GALNTL6: variants seen among roughly 807,000 people sequenced by gnomAD.
GALNTL6 encodes polypeptide N-acetylgalactosaminyltransferase-like 6.
Under a neutral mutation model 73.7 loss-of-function variants are expected in GALNTL6, and 46 were observed. The ratio of observed to expected loss-of-function variants is 0.62; its 90% CI spans 0.49 to 0.80. GALNTL6 has a LOEUF of 0.80. Among genes scored for constraint, GALNTL6 ranks in the 30% least tolerant of loss-of-function variants. GALNTL6 has a pLI of 0.00. For synonymous variants in GALNTL6, 259 were observed against 263.7 expected (o/e 0.98, Z 0.17); for missense variants, 604 against 755.0 (o/e 0.80, Z 2.34).
At chr4:172,564,060 A>T in intron 5 of GALNTL6, among the ~76,000 whole-genome samples, 1 of 152,094 alleles carries the variant, frequency 6.6e-6, no homozygotes, top group Non-Finnish European at 1.5e-5. Context: ...ACTCTGTCTC[A>T]TTTAGTTTTA....
chr4:172,654,533 T>C (rs1196029472), intron 5 of GALNTL6, among the ~76,000 whole-genome samples: 5 of 152,214 alleles, frequency 3.3e-5, no homozygotes, highest in African/African-American at 1.2e-4. Context: ...AAATATTGAA[T>C]TACATGATAA....
At chr4:172,177,791 A>ATATATATACACACACATATATGTGTATG (rs1735075885) in intron 2 of GALNTL6, among the ~76,000 whole-genome samples, 5 of 101,736 alleles carry the variant, frequency 4.9e-5, no homozygotes, top group Non-Finnish European at 6.3e-5. Flanking sequence ...ACACATGTGT[A>ATATATATACACACACATATATGTGTATG]TATATATACA....
chr4:172,241,505 T>C (rs2110993473), intron 3 of GALNTL6, among the ~76,000 whole-genome samples: 1 of 152,312 alleles, frequency 6.6e-6, no homozygotes, highest in East Asian at 1.9e-4. Context: ...TTATTCACAT[T>C]TGTTAATGTT....
chr4:172,683,462 T>C (rs1039871531), intron 5 of GALNTL6, among the ~76,000 whole-genome samples: 3 of 152,220 alleles, frequency 2.0e-5, no homozygotes, highest in African/African-American at 7.2e-5. Flanking sequence ...TGTGCCACAG[T>C]GGTTACAATA....
In GALNTL6 at chr4:172,515,415, G is replaced by C. The variant is rs139165732; in HGVS notation, c.553+166726G>C. Reference sequence around the variant, plus strand: ...CCTCTCCCTTGGGCTTGTGTGTGATGACAGTGGATGGTCTGTGGTCTTGAG... The same window carrying C: ...CCTCTCCCTTGGGCTTGTGTGTGATCACAGTGGATGGTCTGTGGTCTTGAG... On this transcript the variant is annotated intron_variant, in intron 5 of 12. Transcript: ENST00000506823. Among the ~76,000 whole-genome samples, 459 of 152,318 alleles carry C rather than the reference G, an allele frequency of 3.0e-3. 2 individuals are homozygous for C. Among genetic ancestry groups the C allele is most frequent in the African/African-American group, 0.01 (425 of 41,574 alleles).
At chr4:172,923,301 G>A (rs1747886037) in intron 8 of GALNTL6, among the ~76,000 whole-genome samples, 1 of 151,708 alleles carries the variant, frequency 6.6e-6, no homozygotes, top group Non-Finnish European at 1.5e-5. Context: ...GCAGGGAAGA[G>A]AGAACTTGTG....
chr4:172,063,673 A>C (rs1333796679), intron 2 of GALNTL6, among the ~76,000 whole-genome samples: 2 of 152,182 alleles, frequency 1.3e-5, no homozygotes, highest in Non-Finnish European at 2.9e-5. Context: ...TGAGTGCTAC[A>C]GACAATCCAT....
intron 2 of GALNTL6, among the ~76,000 whole-genome samples, chr4:171,943,543 G>A (rs1223136197): frequency 1.3e-5 from 2 of 152,104 alleles, no homozygotes; most frequent in African/African-American, 4.8e-5. Flanking sequence ...TACTTAAAGT[G>A]TGTGATCTAC....
chr4:172,242,858 A>G (rs1737495861), intron 3 of GALNTL6, among the ~76,000 whole-genome samples: 1 of 152,230 alleles, frequency 6.6e-6, no homozygotes, highest in Non-Finnish European at 1.5e-5. Flanking sequence ...ATTCTGATGC[A>G]AACCACCAAT....
chr4:173,019,868 G>A (rs970382980), intron 11 of GALNTL6, among the ~76,000 whole-genome samples: 3 of 152,136 alleles, frequency 2.0e-5, no homozygotes, highest in African/African-American at 7.2e-5. Flanking sequence ...AGCCATCCCT[G>A]GAATTTTGCC....
At chr4:171,960,688 TAAAAAAAAAAAAAA>T (rs201299722) in intron 2 of GALNTL6, among the ~76,000 whole-genome samples, 1 of 129,494 alleles carries the variant, frequency 7.7e-6, no homozygotes, top group South Asian at 2.4e-4. Flanking sequence ...TGTCTTTATT[TAAAAAAAAAAAAAA>T]AAAAAAAAGT....
intron 5 of GALNTL6, among the ~76,000 whole-genome samples, chr4:172,526,948 G>A (rs1734979203): frequency 6.6e-6 from 1 of 152,056 alleles, no homozygotes; most frequent in Non-Finnish European, 1.5e-5. Context: ...ACCAGAGCTG[G>A]TGCTGCACTA....
At chr4:172,401,851 C>T (rs1387092028) in intron 5 of GALNTL6, among the ~76,000 whole-genome samples, 2 of 144,532 alleles carry the variant, frequency 1.4e-5, no homozygotes, top group Admixed American at 7.4e-5. Flanking sequence ...GAAGAATATT[C>T]TTAAGCTGTT....
At chr4:171,942,243 T>TAAATAAATAAATAAAC (rs1226877153) in intron 2 of GALNTL6, among the ~76,000 whole-genome samples, 1 of 144,732 alleles carries the variant, frequency 6.9e-6, no homozygotes, top group Non-Finnish European at 1.5e-5. Context: ...AATAAATAGA[T>TAAATAAATAAATAAAC]AAATAAATAA....
At chr4:172,989,163 A>G (rs1751431631) in intron 10 of GALNTL6, among the ~76,000 whole-genome samples, 1 of 152,202 alleles carries the variant, frequency 6.6e-6, no homozygotes, top group Non-Finnish European at 1.5e-5. Context: ...ATTCCAACCT[A>G]TGAAATCAAC....
At chr4:172,021,200 G>C (rs1289114053) in intron 2 of GALNTL6, among the ~76,000 whole-genome samples, 1 of 151,956 alleles carries the variant, frequency 6.6e-6, no homozygotes, top group Non-Finnish European at 1.5e-5. Flanking sequence ...AAAACTGAAA[G>C]CCTTTTATCT....
chr4:171,973,768 G>A (rs1173894285), intron 2 of GALNTL6, among the ~76,000 whole-genome samples: 1 of 152,096 alleles, frequency 6.6e-6, no homozygotes, highest in Admixed American at 6.6e-5. Flanking sequence ...TAGATGTTCA[G>A]TAAATAATAA....
intron 5 of GALNTL6, among the ~76,000 whole-genome samples, chr4:172,752,313 ATAAAT>A (rs1560927662): frequency 6.6e-6 from 1 of 152,128 alleles, no homozygotes; most frequent in Non-Finnish European, 1.5e-5. Flanking sequence ...TATAACAAAA[ATAAAT>A]TAAAATGTGT....
intron 2 of GALNTL6, among the ~76,000 whole-genome samples, chr4:172,086,056 C>CA (rs1229302343): frequency 1.3e-5 from 2 of 152,010 alleles, no homozygotes; most frequent in Admixed American, 1.3e-4. Flanking sequence ...TTATATCAAC[C>CA]AAAATTCTAT....
Sources: gnomAD v4.1 joint callset for allele counts (sites outside exome capture counted in the v4.1 genomes callset) on GRCh38, gnomAD v4.1.1 for gene constraint, MANE v1.5 for transcripts, NCBI Gene and HGNC (gene_info 2026-07-23, HGNC 2026-07-21) for gene names.